NR3C2: variants seen among roughly 807,000 people sequenced by gnomAD.
The protein encoded by NR3C2 is mineralocorticoid receptor.
In NR3C2, 15 loss-of-function variants were observed where a neutral mutation model predicts 86.4. That is an observed-to-expected ratio of 0.17 (90% CI 0.12 to 0.27). NR3C2 has a LOEUF of 0.27. Ranked by LOEUF, NR3C2 falls within the 10% of genes least tolerant of loss-of-function variation. The pLI, the probability that NR3C2 is intolerant of heterozygous loss-of-function variation, is 1.00. For missense variants in NR3C2, 960 were observed against 1,195.6 expected (o/e 0.80, Z 2.91); for synonymous variants, 458 against 450.5 (o/e 1.02, Z -0.21).
At chr4:148,319,188 G>A (rs1235222976) in intron 2 of NR3C2, among the ~76,000 whole-genome samples, 2 of 151,822 alleles carry the variant, frequency 1.3e-5, no homozygotes, top group Non-Finnish European at 2.9e-5. Context: ...GATAGTTGTA[G>A]ATATGTGGCA....
chr4:148,166,404 G>GC (rs1734879716), intron 4 of NR3C2, among the ~76,000 whole-genome samples: 1 of 152,168 alleles, frequency 6.6e-6, no homozygotes, highest in Non-Finnish European at 1.5e-5. Flanking sequence ...AGACACACAG[G>GC]CCTGCCCTGC....
chr4:148,387,132 T>G (rs1747303575), intron 2 of NR3C2, among the ~76,000 whole-genome samples: 1 of 152,224 alleles, frequency 6.6e-6, no homozygotes, highest in Non-Finnish European at 1.5e-5. Flanking sequence ...GGAAAGCTCT[T>G]TAAGCGGATT....
intron 3 of NR3C2, among the ~76,000 whole-genome samples, chr4:148,205,544 A>C (rs1028267179): frequency 6.6e-6 from 1 of 152,222 alleles, no homozygotes; most frequent in Non-Finnish European, 1.5e-5. Flanking sequence ...TTATTAATTC[A>C]ATATGTCTGC....
At chr4:148,439,561 G>T (rs1033516093) in intron 1 of NR3C2, among the ~76,000 whole-genome samples, 5 of 151,916 alleles carry the variant, frequency 3.3e-5, no homozygotes, top group African/African-American at 1.2e-4. Flanking sequence ...TCTGTCCCGT[G>T]TCTGAAGGGG....
At chr4:148,336,335 G>C (rs1456283960) in intron 2 of NR3C2, among the ~76,000 whole-genome samples, 1 of 152,142 alleles carries the variant, frequency 6.6e-6, no homozygotes, top group Admixed American at 6.6e-5. Flanking sequence ...GAGCTCCAGA[G>C]GTCACAGATC....
At chr4:148,378,787 T>C (rs1026210995) in intron 2 of NR3C2, among the ~76,000 whole-genome samples, 2 of 152,180 alleles carry the variant, frequency 1.3e-5, no homozygotes, top group African/African-American at 4.8e-5. Flanking sequence ...AATTGCCTAG[T>C]CTCAGGCATT....
At chr4:148,401,870 T>G (rs1241859316) in intron 2 of NR3C2, among the ~76,000 whole-genome samples, 1 of 152,202 alleles carries the variant, frequency 6.6e-6, no homozygotes, top group South Asian at 2.1e-4. Flanking sequence ...GACTCAGCCC[T>G]GATGCTCTTG....
At chr4:148,192,645 G>T (rs1214577853) in intron 4 of NR3C2, among the ~76,000 whole-genome samples, 1 of 151,622 alleles carries the variant, frequency 6.6e-6, no homozygotes, top group Non-Finnish European at 1.5e-5. Flanking sequence ...TCCTTGGGTG[G>T]GTCTTGCTGT....
At chr4:148,140,077 C>T (rs960116509) in intron 6 of NR3C2, among the ~76,000 whole-genome samples, 1 of 152,194 alleles carries the variant, frequency 6.6e-6, no homozygotes, top group Non-Finnish European at 1.5e-5. Flanking sequence ...GTCTTGTGGC[C>T]TGTGTCAAGG....
chr4:148,147,222 C>T (rs1469759549), intron 6 of NR3C2, among the ~76,000 whole-genome samples: 1 of 152,170 alleles, frequency 6.6e-6, no homozygotes, highest in Non-Finnish European at 1.5e-5. Context: ...ACCTTTCCTC[C>T]ATCTCCAGTG....
intron 4 of NR3C2, among the ~76,000 whole-genome samples, chr4:148,161,385 T>C (rs558571404): frequency 6.6e-6 from 1 of 152,128 alleles, no homozygotes; most frequent in East Asian, 1.9e-4. Flanking sequence ...AGTCTCACTC[T>C]GTTGCCCAGG....
intron 3 of NR3C2, among the ~76,000 whole-genome samples, chr4:148,219,799 T>A (rs1477865490): frequency 2.0e-5 from 3 of 152,232 alleles, no homozygotes; most frequent in Non-Finnish European, 4.4e-5. Context: ...TACGTTAATA[T>A]GCGATGAGTT....
chr4:148,198,491 GA>G (rs961086472), intron 3 of NR3C2, among the ~76,000 whole-genome samples: 5 of 152,040 alleles, frequency 3.3e-5, no homozygotes, highest in Non-Finnish European at 5.9e-5. Context: ...ATGAAAAGGG[GA>G]CCAGCTTCGC....
intron 2 of NR3C2, among the ~76,000 whole-genome samples, chr4:148,300,595 T>TTA: frequency 6.6e-6 from 1 of 150,854 alleles, no homozygotes; most frequent in Non-Finnish European, 1.5e-5. Flanking sequence ...CTCATTTTTT[T>TTA]TTTTTTTTTT....
At chr4:148,394,730 G>C (rs1747771922) in intron 2 of NR3C2, among the ~76,000 whole-genome samples, 4 of 152,054 alleles carry the variant, frequency 2.6e-5, no homozygotes, top group Admixed American at 2.6e-4. Flanking sequence ...TTTTGGAACT[G>C]GGTACTACAC....
intron 2 of NR3C2, among the ~76,000 whole-genome samples, chr4:148,371,546 G>A (rs746593802): frequency 7.2e-5 from 11 of 151,828 alleles, no homozygotes; most frequent in Non-Finnish European, 1.2e-4. Context: ...GTTATTGAAA[G>A]TGAAAAATTT....
At chr4:148,136,413 C>T (rs1378319188) in intron 6 of NR3C2, among the ~76,000 whole-genome samples, 1 of 151,754 alleles carries the variant, frequency 6.6e-6, no homozygotes, top group Non-Finnish European at 1.5e-5. Flanking sequence ...AGACACAGCC[C>T]CCTCCCTCTG....
intron 2 of NR3C2, among the ~76,000 whole-genome samples, chr4:148,393,062 T>C (rs1360489252): frequency 6.6e-6 from 1 of 152,212 alleles, no homozygotes; most frequent in Non-Finnish European, 1.5e-5. Context: ...AGTTTTGTTT[T>C]TGTTTTTTGA....
At chr4:148,099,906 C>G (rs767002976) in intron 8 of NR3C2, among the ~76,000 whole-genome samples, 94 of 152,016 alleles carry the variant, frequency 6.2e-4, no homozygotes, top group Non-Finnish European at 2.4e-4. Flanking sequence ...TTGTTTTTTC[C>G]AGAAAGATCA....
Sources: gnomAD v4.1 joint callset for allele counts (sites outside exome capture counted in the v4.1 genomes callset) on GRCh38, gnomAD v4.1.1 for gene constraint, MANE v1.5 for transcripts, NCBI Gene and HGNC (gene_info 2026-07-23, HGNC 2026-07-21) for gene names.